VPS13D: variants seen among roughly 807,000 people sequenced by gnomAD.
VPS13D encodes vacuolar protein sorting 13 homolog D.
VPS13D carries 187 observed loss-of-function variants against 461.9 expected under a neutral mutation model. The observed-to-expected ratio is 0.40, with a 90% CI of 0.36 to 0.46. The LOEUF is 0.46. Ranked by LOEUF, VPS13D falls within the 20% of genes least tolerant of loss-of-function variation. The pLI is 0.60. For synonymous variants in VPS13D, 1,951 were observed against 1,986.3 expected (o/e 0.98, Z 0.47); for missense variants, 4,711 against 5,364.9 (o/e 0.88, Z 3.81).
chr1:12,439,282 G>A (rs1293562154), intron 65 of VPS13D, among the ~76,000 whole-genome samples: 2 of 152,080 alleles, frequency 1.3e-5, no homozygotes, highest in Non-Finnish European at 2.9e-5. Context: ...CACTGTTCTC[G>A]CTGCTTCTCA....
intron 57 of VPS13D, among the ~76,000 whole-genome samples, chr1:12,381,724 T>C (rs1265252321): frequency 6.6e-6 from 1 of 152,214 alleles, no homozygotes; most frequent in Admixed American, 6.5e-5. Context: ...AGCTGTTTAC[T>C]TCCAACTTCT....
intron 57 of VPS13D, among the ~76,000 whole-genome samples, chr1:12,382,038 T>C (rs957833748): frequency 1.3e-5 from 2 of 149,852 alleles, no homozygotes; most frequent in Admixed American, 6.7e-5. Context: ...TCTTTCTCTT[T>C]CTTTCTTTCT....
intron 21 of VPS13D, among the ~76,000 whole-genome samples, chr1:12,287,664 A>G (rs1191614205): frequency 1.3e-5 from 2 of 152,200 alleles, no homozygotes; most frequent in Non-Finnish European, 2.9e-5. Context: ...GCATTATGAA[A>G]TTTATTTGTT....
chr1:12,267,804 T>C (rs1207967578), intron 14 of VPS13D, 41 bp from the exon 15 acceptor site: 1 of 1,587,558 alleles, frequency 6.3e-7, no homozygotes, highest in South Asian at 1.1e-5. Context: ...TTGTCCCCTC[T>C]CACGCTGACG....
intron 36 of VPS13D, among the ~76,000 whole-genome samples, chr1:12,329,065 G>T (rs1643264271): frequency 6.6e-6 from 1 of 152,116 alleles, no homozygotes; most frequent in Non-Finnish European, 1.5e-5. Context: ...TGACTGTTTT[G>T]ATGAATATCT....
Position 12,283,186 on chromosome 1 carries a change from C to G in VPS13D, c.5084C>G (p.Pro1695Arg), listed in dbSNP as rs766654097. Residue 1695 changes from proline (P) to arginine (R), a missense_variant, in exon 21 of 70, where the codon CCT (proline) becomes CGT (arginine). Physicochemically the swap from Pro to Arg is moderately radical, Grantham distance 103 (BLOSUM62 -2). Around this residue, in one of 3 missense-constraint regions of VPS13D, gnomAD observed 4,411 missense variants for 4,937.8 expected, o/e 0.89. Transcript: ENST00000620676. Reference sequence around the variant, plus strand: ...AACCTGATGGTGTCTCGAGGAGCCCCTAAGCCATCTAGTTTAGCACAAAAA... The same window carrying G: ...AACCTGATGGTGTCTCGAGGAGCCCGTAAGCCATCTAGTTTAGCACAAAAA... The part of the protein sequence containing the change: ...YKNLMVSRGA[P>R]KPSSLAQKEY... The G allele has an allele frequency of 1.9e-6, 3 of 1,614,150 alleles. No homozygotes were observed. The highest frequency in any genetic ancestry group is 2.5e-6 in the Non-Finnish European group (3 of 1,180,006).
intron 60 of VPS13D, among the ~76,000 whole-genome samples, chr1:12,394,074 G>T (rs1460982280): frequency 6.6e-6 from 1 of 152,130 alleles, no homozygotes; most frequent in Non-Finnish European, 1.5e-5. Flanking sequence ...AAAGGCTGGA[G>T]GTCTCCTTGG....
chr1:12,306,069 C>T (rs1048707920), intron 26 of VPS13D, among the ~76,000 whole-genome samples: 5 of 151,830 alleles, frequency 3.3e-5, no homozygotes, highest in African/African-American at 9.7e-5. Context: ...CTGCAAGCTC[C>T]GCCTCCCGGG....
chr1:12,437,479 TTGAC>T (rs1181756162), intron 65 of VPS13D, among the ~76,000 whole-genome samples: 2 of 152,264 alleles, frequency 1.3e-5, no homozygotes, highest in East Asian at 3.9e-4. Context: ...CTGACCCCAT[TTGAC>T]TGGCCATTCA....
chr1:12,249,400 T>C, intron 6 of VPS13D, 61 bp downstream of exon 6: 1 of 1,365,458 alleles, frequency 7.3e-7, no homozygotes, highest in Non-Finnish European at 1.0e-6. Flanking sequence ...TCTGGGGCTC[T>C]GCCTTTTGCC....
rs138773109 is a variant in VPS13D, at chr1:12,317,586, A to T, written c.7149-486A>T. ...AATTGCAATTGAAATGTGAATAAAA[A>T]ATGTCTCCAAGGGCCAGGTGCAGTG... On this transcript the variant is annotated intron_variant, in intron 30 of 69. Transcript: ENST00000620676. 6.3e-4 allele frequency among the ~76,000 whole-genome samples: 96 copies of T among 151,928 alleles called. No homozygotes were observed. In the East Asian group the frequency reaches 0.017, roughly 27 times the overall value.
chr1:12,390,565 A>G (rs1271668509), intron 60 of VPS13D, among the ~76,000 whole-genome samples: 1 of 152,222 alleles, frequency 6.6e-6, no homozygotes, highest in Non-Finnish European at 1.5e-5. Context: ...GAAGCATTGC[A>G]TGCAGGATAG....
chr1:12,324,766 T>C (rs1350319428), intron 35 of VPS13D, among the ~76,000 whole-genome samples: 3 of 152,256 alleles, frequency 2.0e-5, no homozygotes, highest in East Asian at 3.8e-4. Flanking sequence ...GGCGGTGATA[T>C]TGATAATTAT....
At chr1:12,246,119 A>AG (rs1344212233) in intron 5 of VPS13D, among the ~76,000 whole-genome samples, 1 of 152,196 alleles carries the variant, frequency 6.6e-6, no homozygotes, top group African/African-American at 2.4e-5. Context: ...TTGAGGGTGC[A>AG]GGGAGGTGGA....
intron 65 of VPS13D, among the ~76,000 whole-genome samples, chr1:12,445,324 T>C (rs1158400335): frequency 6.6e-6 from 1 of 152,238 alleles, no homozygotes; most frequent in African/African-American, 2.4e-5. Flanking sequence ...GAAGGTTTTC[T>C]CTTAAAATCA....
In VPS13D at chr1:12,279,783, T is replaced by C; in HGVS notation, c.4602+133T>C. The C allele has an allele frequency of 1.2e-6, 1 of 811,330 alleles. No homozygotes were observed. Among genetic ancestry groups the C allele is most frequent in the Non-Finnish European group, 1.7e-6 (1 of 582,844 alleles). 50.3% of individuals were successfully genotyped at this position (811,330 alleles called of 1,614,324 possible). On this transcript the variant is annotated intron_variant, in intron 20 of 69. Transcript: ENST00000620676. This position sits in a 1 kb window ranked among gnomAD's most constrained non-coding sequence, Gnocchi z 4.3. ...ATATATCACCCATGCATAATACCAT[T>C]GTTGAAACCTTGTTCCAATAATTGT...
At chr1:12,234,703 G>GT (rs1424834815) in intron 2 of VPS13D, among the ~76,000 whole-genome samples, 2 of 152,180 alleles carry the variant, frequency 1.3e-5, no homozygotes, top group African/African-American at 4.8e-5. Context: ...TTCAAATACT[G>GT]TTTTGTCACT....
At chr1:12,438,049 C>T (rs191268214) in intron 65 of VPS13D, among the ~76,000 whole-genome samples, 14 of 152,222 alleles carry the variant, frequency 9.2e-5, no homozygotes, top group East Asian at 3.9e-4. Context: ...ATGTGTGTTC[C>T]GTAGCTGTCT....
intron 15 of VPS13D, among the ~76,000 whole-genome samples, chr1:12,268,249 CTTTT>C (rs35267390): frequency 9.9e-6 from 1 of 100,738 alleles, no homozygotes; most frequent in Non-Finnish European, 2.1e-5. Flanking sequence ...CATGCCTGAG[CTTTT>C]TTTTTTTTTT....
Sources: gnomAD v4.1 joint callset for allele counts (sites outside exome capture counted in the v4.1 genomes callset) on GRCh38, gnomAD v4.1.1 for gene constraint, gnomAD v4.1.1 regional missense constraint, Gnocchi (gnomAD v3.1) non-coding constraint, MANE v1.5 for transcripts, NCBI Gene and HGNC (gene_info 2026-07-23, HGNC 2026-07-21) for gene names.